The following RYR1 variants were observed in gnomAD, a reference collection of about 807,000 sequenced individuals.
The protein encoded by RYR1 is central core disease of muscle.
Under a neutral mutation model 583.5 loss-of-function variants are expected in RYR1, and 342 were observed. That is an observed-to-expected ratio of 0.59 (90% confidence interval 0.54 to 0.64). The LOEUF is 0.64. RYR1 is among the 30% of genes least tolerant of loss of function. The pLI is 0.00. For synonymous variants in RYR1, 2,791 were observed against 2,822.5 expected, an observed-to-expected ratio of 0.99 and a Z score of 0.35; for missense variants, 6,032 against 6,917.2, an observed-to-expected ratio of 0.87 and a Z score of 4.54.
Position 38,519,243 on chromosome 19 carries a change from C to G in RYR1, c.10048C>G (p.Arg3350Gly), listed in dbSNP as rs200355885. 1.2e-6 allele frequency: 2 copies of G among 1,614,122 alleles called. No homozygotes were observed. The highest frequency in any genetic ancestry group is 2.2e-5 in the South Asian group (2 of 91,082). Residue 3350 changes from arginine to glycine, a missense_variant, in exon 67 of 106, where the codon CGG becomes GGG. Transcript: ENST00000359596. Reference sequence around the variant, plus strand: ...CGCACAGCCCATTGTGAGCCGTGCACGGCCGGAGCTCCTGCAGTCCCACTT... The same window carrying G: ...CGCACAGCCCATTGTGAGCCGTGCAGGGCCGGAGCTCCTGCAGTCCCACTT... ...VFAQPIVSRA[R>G]PELLQSHFIP...
Position 38,500,688 on chromosome 19 carries a change from T to C in RYR1, c.7406T>C (p.Ile2469Thr), listed in dbSNP as rs755661128. 11 of 1,613,962 alleles carry C rather than the reference T, an allele frequency of 6.8e-6. No homozygotes were observed. The highest frequency in any genetic ancestry group is 8.5e-6 in the Non-Finnish European group (10 of 1,180,018). Residue 2469 changes from isoleucine to threonine, a missense_variant, in exon 46 of 106, where the codon ATC becomes ACC. Ile to Thr is a moderately conservative substitution (Grantham distance 89, BLOSUM62 -1). Transcript: ENST00000359596. This position sits in a 1 kb window ranked among gnomAD's most constrained non-coding sequence, Gnocchi z 5.9. ...GTGCCCTTGGAGGACCTTGTGGGCA[T>C]CATCAGCCTCCCACTGCAGATTCCC... is the stretch of plus-strand genomic sequence containing the variant. Reference protein sequence around the residue: ...SLVPLEDLVGIISLPLQIPTL... With the variant: ...SLVPLEDLVGTISLPLQIPTL...
At chr19:38,504,647 T>G in intron 50 of RYR1, 101 bp from the exon 51 acceptor site, 1 of 1,500,602 alleles carries the variant, frequency 6.7e-7, no homozygotes, top group South Asian at 1.2e-5. Flanking sequence ...GGTTTGGGGT[T>G]CAGGGAGGAG....
chr19:38,473,675 G>T lies in RYR1; in HGVS notation c.4064G>T (p.Gly1355Val). 1 of 1,551,264 alleles carries T rather than the reference G, an allele frequency of 6.4e-7. No individual in the cohort carries two copies. The highest frequency in any genetic ancestry group is 8.7e-7 in the Non-Finnish European group (1 of 1,147,482). ...ENGKEGTAKE[G>V]APGGTPQAGG... ...GGCAAAGAAGGGACTGCGAAGGAGG[G>T]CGCCCCCGGGGGCACCCCGCAGGCG... The change falls in exon 28 of 106, where the codon GGC becomes GTC. Residue 1355 changes from glycine to valine, a missense_variant. Physicochemically the swap from Gly to Val is moderately radical, Grantham distance 109. Around this residue, in one of 11 missense-constraint regions of RYR1, gnomAD observed 2,627 missense variants for 2,961.3 expected, o/e 0.89. Transcript: ENST00000359596.
In RYR1 at chr19:38,527,465, G is replaced by A. The variant is rs55963265; in HGVS notation, c.10687-182G>A. The A allele has an allele frequency of 1.0e-3, 746 of 739,014 alleles. 3 individuals carry two copies. Among genetic ancestry groups the A allele is most frequent in the Non-Finnish European group, 1.4e-3 (623 of 452,614 alleles). The allele number at this position is 739,014 out of a possible 1,614,324, so 45.8% of individuals were successfully genotyped here. On this transcript the variant is annotated intron_variant, in intron 72 of 105. Coordinates refer to ENST00000359596, the MANE Select transcript of RYR1 (RefSeq NM_000540.3). ...GCAGAGGTTGCAGTGAGCTGAGATCGCACCACTGCACTCCAGCCTGGGTGA... is the reference window on the plus strand; with the variant it reads ...GCAGAGGTTGCAGTGAGCTGAGATCACACCACTGCACTCCAGCCTGGGTGA...
At chr19:38,490,904 C>A (rs952660223) in intron 37 of RYR1, among the ~76,000 whole-genome samples, 172 bp downstream of exon 37, 4 of 152,092 alleles carry the variant, frequency 2.6e-5, no homozygotes, top group African/African-American at 7.2e-5. Context: ...TTAGACAATG[C>A]GTGTTTATAT....
chr19:38,464,221 G>A (rs747679139), intron 22 of RYR1, among the ~76,000 whole-genome samples: 109 of 141,124 alleles, frequency 7.7e-4, no homozygotes, highest in Middle Eastern at 4.0e-3. Flanking sequence ...AGGTTGCAGC[G>A]AGCCGAGATC....
intron 1 of RYR1, among the ~76,000 whole-genome samples, chr19:38,434,493 C>G (rs935383172): frequency 1.3e-5 from 2 of 152,086 alleles, no homozygotes; most frequent in African/African-American, 4.8e-5. Context: ...TTGGGTGTCT[C>G]CATGTCTCTG....
intron 31 of RYR1, among the ~76,000 whole-genome samples, chr19:38,481,370 G>A (rs920602174): frequency 5.3e-5 from 8 of 151,840 alleles, no homozygotes; most frequent in South Asian, 2.1e-4. Context: ...CAAACTATTC[G>A]CCCACCTCCA....
At position 38,499,231 on chromosome 19, in the gene RYR1, G is replaced by A; in HGVS notation, c.7015G>A (p.Val2339Ile). ...CTACCTGGACTTCCTGCGCTTTGCTGTCTTCGTCAACGGTGAGGAGGGGGT... is the reference window on the plus strand; with the variant it reads ...CTACCTGGACTTCCTGCGCTTTGCTATCTTCGTCAACGGTGAGGAGGGGGT... ...ERYLDFLRFAVFVNGESVEEN... is the reference protein window; with the variant it reads ...ERYLDFLRFAIFVNGESVEEN... Residue 2339 changes from valine (V) to isoleucine (I), a missense_variant, in exon 43 of 106, where the codon GTC becomes ATC. By Grantham distance (29) the Val-to-Ile change is conservative (BLOSUM62 3). This residue lies in a region of RYR1 where 2,627 missense variants were observed against 2,961.3 expected (regional missense o/e 0.89). Coordinates refer to ENST00000359596, the MANE Select transcript of RYR1 (RefSeq NM_000540.3). The surrounding 1 kb of genome is among the most constrained non-coding windows in gnomAD (Gnocchi z 7.3). 1 of 1,614,202 alleles carries A rather than the reference G, an allele frequency of 6.2e-7. No homozygotes were observed. The highest frequency in any genetic ancestry group is 8.5e-7 in the Non-Finnish European group (1 of 1,180,032).
At chr19:38,484,297 AT>A (rs1969164314) in intron 33 of RYR1, among the ~76,000 whole-genome samples, 1 of 152,034 alleles carries the variant, frequency 6.6e-6, no homozygotes, top group African/African-American at 2.4e-5. Context: ...ATCTCAAAAA[AT>A]AGAATTCTGA....
chr19:38,575,039 C>CAA (rs35261562), intron 96 of RYR1, among the ~76,000 whole-genome samples: 11 of 90,366 alleles, frequency 1.2e-4, no homozygotes, highest in Non-Finnish European at 1.5e-4. Flanking sequence ...GACTCCGTCT[C>CAA]AAAAAAAAAA....
rs756557533 is a variant in RYR1 at position 38,502,731 on chromosome 19, G to GGGCGGGGC, written c.7835+4_7835+5insGGCGGGGC. 8.3e-6 allele frequency: 13 copies of GGGCGGGGC among 1,572,814 alleles called. No individual in the cohort carries two copies. The East Asian group carries it at 2.1e-4, about 25-fold the overall frequency. ...ACTGCCTCATGTCGCTCTGCAGGTG[G>GGGCGGGGC]AGCGGGGCAGGCTTCAGGGTGGGGC... is the stretch of plus-strand genomic sequence containing the variant. On this transcript the variant is annotated splice_donor_region_variant and intron_variant, in intron 48 of 105. Transcript: ENST00000359596.
At chr19:38,461,220 C>T (rs568663607) in intron 20 of RYR1, among the ~76,000 whole-genome samples, 1 of 152,146 alleles carries the variant, frequency 6.6e-6, no homozygotes, top group South Asian at 2.1e-4. Flanking sequence ...CGCGCTTGAG[C>T]CCGAAAGTTC....
At chr19:38,581,995 G>A (rs557731698) in intron 101 of RYR1, among the ~76,000 whole-genome samples, 2 of 152,276 alleles carry the variant, frequency 1.3e-5, no homozygotes, top group East Asian at 1.9e-4. Flanking sequence ...TTTGGGGCAG[G>A]CTACTCAACC....
rs762716379 is a variant in RYR1 at position 38,496,343 on chromosome 19, C to G, written c.6663+14C>G. The G allele has an allele frequency of 1.2e-6, 2 of 1,613,862 alleles. No individual in the cohort carries two copies. The highest frequency in any genetic ancestry group is 1.7e-6 in the Non-Finnish European group (2 of 1,179,986). Reference sequence around the variant, plus strand: ...GGCGAGTCCAAGGTGAGGGCCCAGGCAGGTGCTGGGGAGCTCAGGGGAGGC... The same window carrying G: ...GGCGAGTCCAAGGTGAGGGCCCAGGGAGGTGCTGGGGAGCTCAGGGGAGGC... On this transcript the variant is annotated intron_variant, in intron 40 of 105. Coordinates refer to ENST00000359596, the MANE Select transcript of RYR1 (RefSeq NM_000540.3). This position sits in a 1 kb window ranked among gnomAD's most constrained non-coding sequence, Gnocchi z 4.8.
chr19:38,478,287 G>A (rs771212348), intron 30 of RYR1, 148 bp from the exon 31 acceptor site: 28 of 839,654 alleles, frequency 3.3e-5, no homozygotes, highest in Middle Eastern at 3.4e-4. Context: ...TGTCCGGGGC[G>A]AGGGGTTTCA....
chr19:38,536,067 AC>A lies in RYR1; in HGVS notation c.11588del (p.Thr3863MetfsTer136). 1 of 1,612,424 alleles carries A rather than the reference AC, an allele frequency of 6.2e-7. No homozygotes were observed. Among genetic ancestry groups the A allele is most frequent in the East Asian group, 2.2e-5 (1 of 44,860 alleles). Reference sequence around the variant, plus strand: ...GCTGGGCATGGTGAATGAGGATGGCACTGGTGAGGCCCTCCCTTGGGCTTCC... The same window carrying A: ...GCTGGGCATGGTGAATGAGGATGGCATGGTGAGGCCCTCCCTTGGGCTTCC... ...EGLGMVNEDGTVINRQNGEKV... is the reference protein window; with the variant it reads ...EGLGMVNEDGXVINRQNGEKV... On this transcript the variant is annotated frameshift_variant and splice_region_variant, in exon 82 of 106. Transcript: ENST00000359596. LOFTEE classifies it high-confidence loss of function.
intron 90 of RYR1, among the ~76,000 whole-genome samples, chr19:38,564,055 C>T (rs1403054687): frequency 1.3e-5 from 2 of 152,222 alleles, no homozygotes; most frequent in African/African-American, 2.4e-5. Flanking sequence ...CTCTATAAAG[C>T]TCTCTCTATA....
At chr19:38,534,966 T>G in intron 79 of RYR1, 147 bp downstream of exon 79, 2 of 1,083,486 alleles carry the variant, frequency 1.8e-6, no homozygotes, top group Non-Finnish European at 2.7e-6. Flanking sequence ...CTTCCCCTTG[T>G]ATACCTGCCT....
Sources: allele counts gnomAD v4.1 joint callset (sites outside exome capture counted in the v4.1 genomes callset), GRCh38; gene constraint gnomAD v4.1.1; regional missense constraint gnomAD v4.1.1; non-coding constraint Gnocchi (gnomAD v3.1); transcripts MANE v1.5; gene names NCBI Gene and HGNC (gene_info 2026-07-23, HGNC 2026-07-21).